The following CLYBL variants were observed in gnomAD, a reference collection of about 807,000 sequenced individuals.
CLYBL encodes citramalyl-CoA lyase.
CLYBL carries 31 observed loss-of-function variants against 38.9 expected under a neutral mutation model. The ratio of observed to expected loss-of-function variants is 0.80; its 90% CI spans 0.60 to 1.08. The LOEUF (loss-of-function observed/expected upper bound fraction) is 1.08. Ranked by LOEUF, CLYBL falls within the 50% of genes least tolerant of loss-of-function variation. The probability of loss-of-function intolerance (pLI) is 0.00; values close to 1 mark genes in which losing one functional copy is unlikely to be tolerated. For synonymous variants in CLYBL, 171 were observed against 158.6 expected (o/e 1.08, Z -0.59); for missense variants, 434 against 411.6 (o/e 1.05, Z -0.47).
chr13:99,818,446 A>ACACACACACACACACAC (rs2050504286), intron 2 of CLYBL, among the ~76,000 whole-genome samples: 4 of 143,220 alleles, frequency 2.8e-5, no homozygotes, highest in East Asian at 4.1e-4. Context: ...TGGAGCAGAA[A>ACACACACACACACACAC]ACACACACAC....
downstream of CLYBL, chr13:99,895,527 T>C (rs919772774): frequency 7.2e-5 from 11 of 152,246 alleles, no homozygotes; most frequent in African/African-American, 2.4e-4. Flanking sequence ...CGCCTTTCTT[T>C]CCGCGCTGTC....
intron 7 of CLYBL, among the ~76,000 whole-genome samples, chr13:99,876,035 A>G (rs533350815): frequency 6.6e-6 from 1 of 151,874 alleles, no homozygotes; most frequent in South Asian, 2.1e-4. Flanking sequence ...ATGAATTGCT[A>G]CAAAGTATTG....
chr13:99,760,130 C>A (rs937492956), intron 1 of CLYBL, among the ~76,000 whole-genome samples: 1 of 152,160 alleles, frequency 6.6e-6, no homozygotes, highest in African/African-American at 2.4e-5. Flanking sequence ...ATAGTACTGT[C>A]TTATGATCTT....
chr13:99,871,530 G>A (rs186886207), intron 7 of CLYBL, among the ~76,000 whole-genome samples: 5 of 152,332 alleles, frequency 3.3e-5, no homozygotes, highest in Admixed American at 1.3e-4. Flanking sequence ...AAGAGTGGGA[G>A]GTTGTATATG....
intron 1 of CLYBL, among the ~76,000 whole-genome samples, chr13:99,772,567 A>G (rs1416793455): frequency 2.0e-5 from 3 of 152,124 alleles, no homozygotes; most frequent in Non-Finnish European, 4.4e-5. Context: ...GCATGGTGGC[A>G]CACACCTGTA....
chr13:99,846,992 ATTGGTTT>A (rs1484700275), intron 2 of CLYBL, among the ~76,000 whole-genome samples: 4 of 152,084 alleles, frequency 2.6e-5, no homozygotes, highest in Non-Finnish European at 4.4e-5. Context: ...TTTTTAACAA[ATTGGTTT>A]TTGATATCTG....
intron 1 of CLYBL, among the ~76,000 whole-genome samples, chr13:99,669,635 A>C (rs912589446): frequency 6.6e-6 from 1 of 152,158 alleles, no homozygotes; most frequent in African/African-American, 2.4e-5. Flanking sequence ...CTTCAATTGC[A>C]TGGATGTTGT....
chr13:99,817,940 G>C (rs2050493978), intron 2 of CLYBL, among the ~76,000 whole-genome samples: 1 of 151,904 alleles, frequency 6.6e-6, no homozygotes, highest in South Asian at 2.1e-4. Context: ...GGAGGTCAAG[G>C]CTGCAGTAAG....
intron 2 of CLYBL, among the ~76,000 whole-genome samples, chr13:99,848,310 T>A (rs1301211090): frequency 6.6e-6 from 1 of 152,170 alleles, no homozygotes; most frequent in Non-Finnish European, 1.5e-5. Context: ...GATGATAAAT[T>A]CCCAGACTTC....
intron 1 of CLYBL, among the ~76,000 whole-genome samples, chr13:99,724,332 G>A (rs184254583): frequency 6.6e-6 from 1 of 152,210 alleles, no homozygotes; most frequent in Non-Finnish European, 1.5e-5. Context: ...CAAGCCTTCC[G>A]TTATGAATCT....
chr13:99,664,830 G>A (rs2047457756), intron 1 of CLYBL, among the ~76,000 whole-genome samples: 1 of 152,024 alleles, frequency 6.6e-6, no homozygotes, highest in South Asian at 2.1e-4. Context: ...CTGATCATGT[G>A]CAAGTCCTTT....
intron 2 of CLYBL, among the ~76,000 whole-genome samples, chr13:99,837,405 T>C (rs1008590013): frequency 6.6e-6 from 1 of 152,104 alleles, no homozygotes; most frequent in African/African-American, 2.4e-5. Context: ...AGCACCGTAA[T>C]TGCATCACTG....
At chr13:99,754,004 T>A (rs1185690738) in intron 1 of CLYBL, among the ~76,000 whole-genome samples, 1 of 141,552 alleles carries the variant, frequency 7.1e-6, no homozygotes, top group African/African-American at 2.7e-5. Flanking sequence ...GAAGAATCGC[T>A]TGAACCGGGG....
At chr13:99,707,719 A>G (rs1283846567) in intron 1 of CLYBL, among the ~76,000 whole-genome samples, 1 of 152,228 alleles carries the variant, frequency 6.6e-6, no homozygotes, top group African/African-American at 2.4e-5. Context: ...ACTTGGTGTG[A>G]GGGTATTGAT....
intron 1 of CLYBL, among the ~76,000 whole-genome samples, chr13:99,693,377 C>T (rs921176607): frequency 1.3e-5 from 2 of 152,048 alleles, no homozygotes; most frequent in African/African-American, 4.8e-5. Context: ...ACCAGCATAC[C>T]TGGGAACACA....
chr13:99,818,896 A>C (rs891095394), intron 2 of CLYBL, among the ~76,000 whole-genome samples: 1 of 152,310 alleles, frequency 6.6e-6, no homozygotes, highest in Admixed American at 6.5e-5. Flanking sequence ...TTAATATTCC[A>C]TCAAGCTGAT....
Position 99,776,879 on chromosome 13 carries a change from GT to G in CLYBL, c.249+3880del, listed in dbSNP as rs926780116. 8.2e-4 allele frequency among the ~76,000 whole-genome samples: 121 copies of G among 147,544 alleles called. 1 individual carries two copies. Among genetic ancestry groups the G allele is most frequent in the African/African-American group, 1.5e-3 (60 of 40,434 alleles). On this transcript the variant is annotated intron_variant, in intron 2 of 8. Transcript: ENST00000339105. ...GCACAGAGATATCCAGTTCATGCAC[GT>G]TTTTTTTTTTCATAGATAGAGTTTT...
At chr13:99,900,212 C>T (rs2052625946), downstream of CLYBL, among the ~76,000 whole-genome samples, 1 of 151,796 alleles carries the variant, frequency 6.6e-6, no homozygotes, top group African/African-American at 2.4e-5. Context: ...CACACATGAG[C>T]CACCTGGCCT....
At chr13:99,893,363 A>G (rs545946662), downstream of CLYBL, 24 of 152,416 alleles carry the variant, frequency 1.6e-4, no homozygotes, top group Admixed American at 1.2e-3. Context: ...GTAACCCAGG[A>G]CCACGCTGTG....
Sources: gnomAD v4.1 joint callset for allele counts (sites outside exome capture counted in the v4.1 genomes callset) on GRCh38, gnomAD v4.1.1 for gene constraint, MANE v1.5 for transcripts, NCBI Gene and HGNC (gene_info 2026-07-23, HGNC 2026-07-21) for gene names.